PAPSS2: variants seen among roughly 807,000 people sequenced by gnomAD.
PAPSS2 encodes the protein 3'-phosphoadenosine 5'-phosphosulfate synthase 2.
Under a neutral mutation model 66.5 loss-of-function variants are expected in PAPSS2, and 61 were observed. The observed-to-expected ratio is 0.92, with a 90% CI of 0.75 to 1.14. The LOEUF (loss-of-function observed/expected upper bound fraction) is 1.14, where lower values mean the gene tolerates loss of function less well. Ranked by LOEUF, PAPSS2 falls within the 50% of genes most tolerant of loss-of-function variation. The pLI, the probability that PAPSS2 is intolerant of heterozygous loss-of-function variation, is 0.00. For missense variants in PAPSS2, 708 were observed against 789.6 expected (o/e 0.90, Z 1.24); for synonymous variants, 289 against 287.5 (o/e 1.01, Z -0.05).
At chr10:87,718,902 A>G (rs529312915) in intron 7 of PAPSS2, among the ~76,000 whole-genome samples, 3 of 152,304 alleles carry the variant, frequency 2.0e-5, no homozygotes, top group African/African-American at 7.2e-5. Flanking sequence ...GGAGGGTTCA[A>G]GATCAGATGT....
chr10:87,708,465 C>T (rs1041256556), intron 1 of PAPSS2, among the ~76,000 whole-genome samples: 7 of 152,248 alleles, frequency 4.6e-5, no homozygotes, highest in South Asian at 2.1e-4. Flanking sequence ...CTTTTCACTG[C>T]GATCTGGGCC....
At chr10:87,720,425 A>T (rs1455010075) in intron 7 of PAPSS2, among the ~76,000 whole-genome samples, 1 of 152,160 alleles carries the variant, frequency 6.6e-6, no homozygotes, top group Non-Finnish European at 1.5e-5. Context: ...GTTAAATTGT[A>T]AAAAGTGATT....
At position 87,743,413 on chromosome 10, in the gene PAPSS2, T is replaced by C. The variant is rs1327783352; in HGVS notation, c.1263T>C (p.Asn421=). 1.9e-6 allele frequency: 3 copies of C among 1,614,112 alleles called. No homozygotes were observed. The highest frequency in any genetic ancestry group is 1.7e-6 in the Non-Finnish European group (2 of 1,179,998). The change falls in exon 11 of 13, where the codon AAT becomes AAC. Residue 421 remains asparagine, a synonymous_variant. Transcript: ENST00000456849. The part of the protein sequence containing the change: ...FAFQLRNPVH[N]GHALLMQDTR... ...TCCAGTTGCGCAATCCTGTCCACAA[T>C]GGCCATGCCCTGTTGATGCAGGACA...
chr10:87,689,356 C>T (rs868656409), intron 1 of PAPSS2, among the ~76,000 whole-genome samples: 1 of 125,032 alleles, frequency 8.0e-6, no homozygotes, highest in Non-Finnish European at 1.7e-5. Context: ...AAAAAAAAAA[C>T]AAAAAAAACC....
intron 1 of PAPSS2, among the ~76,000 whole-genome samples, chr10:87,688,827 C>G (rs1853125310): frequency 6.6e-6 from 1 of 152,078 alleles, no homozygotes; most frequent in South Asian, 2.1e-4. Context: ...GTAAAACCGA[C>G]CAAAATAACT....
chr10:87,709,217 A>C lies in PAPSS2; in HGVS notation c.49A>C (p.Asn17His), dbSNP rs370332296. 4 of 1,612,856 alleles carry C rather than the reference A, an allele frequency of 2.5e-6. No homozygotes were observed. In the South Asian group the frequency reaches 4.4e-5, roughly 18 times the overall value. The change falls in exon 2 of 13, where the codon AAT becomes CAT. Residue 17 changes from asparagine to histidine, a missense_variant. Physicochemically the swap from Asn to His is moderately conservative, Grantham distance 68. Coordinates refer to ENST00000456849, the MANE Select transcript of PAPSS2 (RefSeq NM_001015880.2). ...ATAGGAGAACCAGCAGAAATCCACC[A>C]ATGTAGTCTATCAGGCCCACCATGT... ...QKTENQQKST[N>H]VVYQAHHVSR... is the part of the protein sequence containing the mutation.
intron 7 of PAPSS2, among the ~76,000 whole-genome samples, chr10:87,717,628 T>A (rs1334784672): frequency 6.6e-6 from 1 of 152,194 alleles, no homozygotes; most frequent in Non-Finnish European, 1.5e-5. Context: ...AGTGGCATGA[T>A]CATAGCTCAC....
At chr10:87,734,670 T>C (rs398045795) in intron 9 of PAPSS2, among the ~76,000 whole-genome samples, 5,598 of 87,528 alleles carry the variant, frequency 0.064, 166 homozygotes, top group Admixed American at 0.075. Context: ...TGTGTATATA[T>C]ATATATATAT....
At chr10:87,692,024 A>G (rs1290158421) in intron 1 of PAPSS2, among the ~76,000 whole-genome samples, 2 of 152,224 alleles carry the variant, frequency 1.3e-5, no homozygotes, top group African/African-American at 4.8e-5. Flanking sequence ...AGTCCAGTTC[A>G]AAGGCTGTCA....
chr10:87,682,612 T>C (rs1853035755), intron 1 of PAPSS2, among the ~76,000 whole-genome samples: 1 of 151,632 alleles, frequency 6.6e-6, no homozygotes, highest in African/African-American at 2.4e-5. Flanking sequence ...AAAAAAAAAA[T>C]TCACTAAAAA....
At chr10:87,736,696 C>T (rs1311996020) in intron 9 of PAPSS2, among the ~76,000 whole-genome samples, 2 of 152,202 alleles carry the variant, frequency 1.3e-5, no homozygotes, top group Non-Finnish European at 2.9e-5. Context: ...AACTAACAAA[C>T]TGCTAAATAA....
intron 1 of PAPSS2, among the ~76,000 whole-genome samples, chr10:87,684,137 A>T (rs957344360): frequency 6.6e-6 from 1 of 152,230 alleles, no homozygotes; most frequent in Admixed American, 6.5e-5. Context: ...AAAGAGTTGC[A>T]TGATAATTTT....
In PAPSS2 at chr10:87,739,357, G is replaced by A. The variant is rs920953636; in HGVS notation, c.1087-1878G>A. Among the ~76,000 whole-genome samples, 14 of 152,314 alleles carry A rather than the reference G, an allele frequency of 9.2e-5. No individual in the cohort carries two copies. In the East Asian group the frequency reaches 1.2e-3, roughly 13 times the overall value. On this transcript the variant is annotated intron_variant, in intron 9 of 12. Coordinates refer to ENST00000456849, the MANE Select transcript of PAPSS2 (RefSeq NM_001015880.2). ...TAATAGTCTATGTTTAGCCTTAGAT[G>A]TGAATTTGGCTACATTTTGCTGCGC...
intron 1 of PAPSS2, among the ~76,000 whole-genome samples, chr10:87,663,886 A>G (rs1311732201): frequency 6.6e-6 from 1 of 152,218 alleles, no homozygotes; most frequent in African/African-American, 2.4e-5. Flanking sequence ...AACAGCACAC[A>G]TCATACTGTT....
At chr10:87,701,327 C>CCTTTCTTTCTTT (rs71019494) in intron 1 of PAPSS2, among the ~76,000 whole-genome samples, 76 of 72,250 alleles carry the variant, frequency 1.1e-3, no homozygotes, top group Non-Finnish European at 1.4e-3. Context: ...TTCCTTCCTT[C>CCTTTCTTTCTTT]CTTTCTTTCT....
At chr10:87,686,668 C>T (rs760629447) in intron 1 of PAPSS2, among the ~76,000 whole-genome samples, 12 of 152,158 alleles carry the variant, frequency 7.9e-5, no homozygotes, top group Non-Finnish European at 1.5e-4. Context: ...AACTGGTTGT[C>T]GACTCATGAG....
intron 1 of PAPSS2, among the ~76,000 whole-genome samples, chr10:87,701,322 TCC>T (rs1253014185): frequency 9.0e-3 from 806 of 89,526 alleles, no homozygotes; most frequent in Middle Eastern, 0.019. Context: ...CTTCCTTCCT[TCC>T]TTCCTTTCTT....
chr10:87,743,447 AGGC>A lies in PAPSS2; in HGVS notation c.1298_1300del (p.Arg433_Leu434delinsIle). ...CCTGTTGATGCAGGACACTCGCCGC[AGGC>A]TCCTAGAGAGGGGCTACAAGCACCC... On this transcript the variant is annotated inframe_deletion, in exon 11 of 13. Transcript: ENST00000456849. 1 of 1,614,084 alleles carries A rather than the reference AGGC, an allele frequency of 6.2e-7. No homozygotes were observed. Among genetic ancestry groups the A allele is most frequent in the Non-Finnish European group, 8.5e-7 (1 of 1,180,002 alleles).
rs747947708 is a variant in PAPSS2, at chr10:87,727,346, C to A, written c.943C>A (p.Leu315Met). ...LPVSAEDKTR[L>M]EGCSKFVLAH... is the part of the protein sequence containing the mutation. ...CGTCTCTGCAGAGGATAAGACACGG[C>A]TGGAAGGGTGCAGCAAGTTTGTCCT... Residue 315 changes from leucine (L) to methionine (M), a missense_variant, in exon 9 of 13, where the codon CTG becomes ATG. Transcript: ENST00000456849. 6.2e-7 allele frequency: 1 copy of A among 1,614,040 alleles called. No individual in the cohort carries two copies. Among genetic ancestry groups the A allele is most frequent in the South Asian group, 1.1e-5 (1 of 91,060 alleles).
Sources: allele counts gnomAD v4.1 joint callset (sites outside exome capture counted in the v4.1 genomes callset), GRCh38; gene constraint gnomAD v4.1.1; transcripts MANE v1.5; gene names NCBI Gene and HGNC (gene_info 2026-07-23, HGNC 2026-07-21).